KIAA1549L: variants seen among roughly 807,000 people sequenced by gnomAD.
KIAA1549L encodes UPF0606 protein KIAA1549L.
A neutral mutation model predicts 160.7 loss-of-function variants in KIAA1549L; 88 were observed. The ratio of observed to expected loss-of-function variants is 0.55; its 90% CI spans 0.46 to 0.65. The LOEUF is 0.65. Among genes scored for constraint, KIAA1549L ranks in the 30% least tolerant of loss-of-function variants. The pLI is 0.00. For missense variants in KIAA1549L, 2,258 were observed against 2,437.5 expected, an observed-to-expected ratio of 0.93 and a Z score of 1.55; for synonymous variants, 950 against 976.7, an observed-to-expected ratio of 0.97 and a Z score of 0.51.
In KIAA1549L at chr11:33,551,171, G is replaced by A; in HGVS notation, c.3633G>A (p.Leu1211=). Residue 1211 remains leucine (L), a synonymous_variant, in exon 5 of 21, where the codon CTG becomes CTA. Transcript: ENST00000658780. ...GAGTCAGCAACGTCACTGCAGACCT[G>A]AAGCAACACACCCCACACTTACAGT... ...VYGVSNVTAD[L]KQHTPHLQSV... 4.3e-6 allele frequency: 7 copies of A among 1,613,948 alleles called. No individual in the cohort carries two copies. Among genetic ancestry groups the A allele is most frequent in the Non-Finnish European group, 5.9e-6 (7 of 1,179,856 alleles).
chr11:33,645,216 A>G (rs1249099663), intron 16 of KIAA1549L, among the ~76,000 whole-genome samples: 1 of 152,130 alleles, frequency 6.6e-6, no homozygotes, highest in African/African-American at 2.4e-5. Context: ...ATTCTGTCTG[A>G]TAAGTAGCAT....
At chr11:33,426,739 C>T (rs1269153016) in intron 1 of KIAA1549L, among the ~76,000 whole-genome samples, 1 of 152,138 alleles carries the variant, frequency 6.6e-6, no homozygotes, top group Non-Finnish European at 1.5e-5. Context: ...GATTCATTTG[C>T]CCAAGAGCAC....
intron 17 of KIAA1549L, among the ~76,000 whole-genome samples, chr11:33,651,182 C>T (rs1039073256): frequency 2.0e-5 from 3 of 152,142 alleles, no homozygotes; most frequent in African/African-American, 7.2e-5. Flanking sequence ...TAGTAGCTTT[C>T]GCTTATGAAA....
chr11:33,627,693 A>G (rs2133368491), intron 16 of KIAA1549L, among the ~76,000 whole-genome samples: 1 of 152,322 alleles, frequency 6.6e-6, no homozygotes, highest in East Asian at 1.9e-4. Flanking sequence ...AGTCTTGCTA[A>G]TAAACAAAAT....
intron 1 of KIAA1549L, among the ~76,000 whole-genome samples, chr11:33,387,525 C>T (rs1196026416): frequency 1.3e-5 from 2 of 152,120 alleles, no homozygotes. Context: ...AGTCTGGTCT[C>T]GAACTCCTAA....
In KIAA1549L at chr11:33,435,773, T is replaced by G. The variant is rs1394172961; in HGVS notation, c.238+58884T>G. Among the ~76,000 whole-genome samples, 23 of 9,380 alleles carry G rather than the reference T, an allele frequency of 2.5e-3. 1 individual carries two copies. Among genetic ancestry groups the G allele is most frequent in the Admixed American group, 7.4e-3 (4 of 540 alleles). The allele number at this position is 9,380 out of a possible 152,430, so 6.2% of individuals were successfully genotyped here. ...AGAACCAATAAGATATATATATATA[T>G]ATATATATATATATATATATATATA... On this transcript the variant is annotated intron_variant, in intron 1 of 20. Transcript: ENST00000658780.
rs67651212 is a variant in KIAA1549L at position 33,450,588 on chromosome 11, C to CAAA, written c.238+73703_238+73705dup. Reference sequence around the variant, plus strand: ...TAAACAACAACAACAACAACAACAACAAAAAAGAAAACTGCTCTGGAGTCA... The same window carrying CAAA: ...TAAACAACAACAACAACAACAACAACAAAAAAAAAGAAAACTGCTCTGGAGTCA... On this transcript the variant is annotated intron_variant, in intron 1 of 20. Transcript: ENST00000658780. 917 of 149,632 alleles carry CAAA rather than the reference C, an allele frequency of 6.1e-3. 15 individuals are homozygous for CAAA. The highest frequency in any genetic ancestry group is 0.022 in the African/African-American group (867 of 40,236). The allele number at this position is 149,632 out of a possible 1,614,324, so 9.3% of individuals were successfully genotyped here.
At chr11:33,393,687 GGAA>G (rs1481522277) in intron 1 of KIAA1549L, among the ~76,000 whole-genome samples, 1 of 152,188 alleles carries the variant, frequency 6.6e-6, no homozygotes, top group Non-Finnish European at 1.5e-5. Flanking sequence ...ACAATGTTCA[GGAA>G]GAAGAGCAGG....
chr11:33,400,438 A>G (rs1313075885), intron 1 of KIAA1549L, among the ~76,000 whole-genome samples: 3 of 152,176 alleles, frequency 2.0e-5, no homozygotes, highest in Admixed American at 2.0e-4. Flanking sequence ...AATGGTAAGA[A>G]CTTGTCTGAA....
chr11:33,499,443 A>C (rs1852893923), intron 1 of KIAA1549L, among the ~76,000 whole-genome samples: 1 of 152,186 alleles, frequency 6.6e-6, no homozygotes, highest in Non-Finnish European at 1.5e-5. Context: ...ACTAGAATGT[A>C]AGCTTCTTTG....
intron 1 of KIAA1549L, among the ~76,000 whole-genome samples, chr11:33,530,436 A>AATAT (rs869093534): frequency 0.016 from 189 of 11,530 alleles, no homozygotes; most frequent in Non-Finnish European, 0.022. Flanking sequence ...AAAAAAAAAA[A>AATAT]ATATATATAT....
chr11:33,610,164 A>T (rs959682419), intron 15 of KIAA1549L, among the ~76,000 whole-genome samples, 198 bp downstream of exon 15: 3 of 152,198 alleles, frequency 2.0e-5, no homozygotes, highest in Non-Finnish European at 4.4e-5. Context: ...AGCCATTAAA[A>T]AAAAAAATAC....
At chr11:33,395,656 A>G (rs1372593601) in intron 1 of KIAA1549L, among the ~76,000 whole-genome samples, 2 of 152,116 alleles carry the variant, frequency 1.3e-5, no homozygotes, top group Non-Finnish European at 1.5e-5. Flanking sequence ...TTATTGGCTG[A>G]CTGCTAGGGT....
Position 33,572,335 on chromosome 11 carries a change from C to T in KIAA1549L, c.4231-2367C>T, listed in dbSNP as rs538501932. ...TACAGACATGAGCCACTGTGCCTGG[C>T]CAACATTTTCAAACTTGTAGAAAAG... On this transcript the variant is annotated intron_variant, in intron 9 of 20. Coordinates refer to ENST00000658780, the MANE Select transcript of KIAA1549L (RefSeq NM_012194.3). Among the ~76,000 whole-genome samples, 7 of 152,258 alleles carry T rather than the reference C, an allele frequency of 4.6e-5. 1 individual carries two copies. In the South Asian group the frequency reaches 1.5e-3, roughly 32 times the overall value.
rs143205007 is a variant in KIAA1549L at position 33,607,738 on chromosome 11, A to G, written c.5061+916A>G. On this transcript the variant is annotated intron_variant, in intron 14 of 20. Coordinates refer to ENST00000658780, the MANE Select transcript of KIAA1549L (RefSeq NM_012194.3). ...ACCTCAAGGAACATGCTATGGCCCT[A>G]CAAAACCAGGTATTGTAAATACGCA... 3.9e-5 allele frequency among the ~76,000 whole-genome samples: 6 copies of G among 152,336 alleles called. No homozygotes were observed. In the East Asian group the frequency reaches 9.6e-4, roughly 24 times the overall value.
chr11:33,624,811 G>A (rs539088079), intron 16 of KIAA1549L, among the ~76,000 whole-genome samples: 1 of 150,684 alleles, frequency 6.6e-6, no homozygotes, highest in African/African-American at 2.4e-5. Flanking sequence ...ACAATGTGCA[G>A]GTTAGATACA....
intron 1 of KIAA1549L, among the ~76,000 whole-genome samples, chr11:33,397,708 TCTCA>T (rs1272756703): frequency 8.8e-4 from 87 of 98,946 alleles, no homozygotes; most frequent in African/African-American, 2.4e-3. Flanking sequence ...CGAGACTCCA[TCTCA>T]CACACACACA....
chr11:33,419,724 G>A (rs577220708), intron 1 of KIAA1549L, among the ~76,000 whole-genome samples: 9 of 152,190 alleles, frequency 5.9e-5, no homozygotes, highest in Admixed American at 1.3e-4. Flanking sequence ...GCACACGCTT[G>A]TAACCCTAGC....
intron 1 of KIAA1549L, among the ~76,000 whole-genome samples, chr11:33,534,817 T>C (rs554930105): frequency 1.3e-5 from 2 of 152,348 alleles, no homozygotes; most frequent in South Asian, 4.1e-4. Flanking sequence ...ACTCTCACCA[T>C]TCTTTAGTCA....
Sources: allele counts gnomAD v4.1 joint callset (sites outside exome capture counted in the v4.1 genomes callset), GRCh38; gene constraint gnomAD v4.1.1; transcripts MANE v1.5; gene names NCBI Gene and HGNC (gene_info 2026-07-23, HGNC 2026-07-21).